DYM: variants seen among roughly 807,000 people sequenced by gnomAD.
The protein encoded by DYM is dymeclin.
A neutral mutation model predicts 93.1 loss-of-function variants in DYM; 78 were observed. That is an observed-to-expected ratio of 0.84 (90% CI 0.70 to 1.01). The LOEUF (loss-of-function observed/expected upper bound fraction) is 1.01. Among genes scored for constraint, DYM ranks in the 50% least tolerant of loss-of-function variants. The pLI is 0.00. For missense variants in DYM, 789 were observed against 845.0 expected (o/e 0.93, Z 0.82); for synonymous variants, 321 against 319.7 (o/e 1.00, Z -0.04).
intron 1 of DYM, among the ~76,000 whole-genome samples, chr18:49,455,091 G>A (rs1016316321): frequency 1.3e-5 from 2 of 152,008 alleles, no homozygotes; most frequent in Admixed American, 6.6e-5. Flanking sequence ...GAGGCTTGAC[G>A]CTTTACAGAG....
intron 15 of DYM, among the ~76,000 whole-genome samples, chr18:49,121,938 T>C (rs1024619334): frequency 2.4e-4 from 36 of 152,346 alleles, no homozygotes; most frequent in Admixed American, 2.3e-3. Context: ...AGAAGAAATA[T>C]GAAGCCAGAC....
chr18:49,104,013 T>C (rs2080490913), intron 16 of DYM, among the ~76,000 whole-genome samples: 1 of 152,170 alleles, frequency 6.6e-6, no homozygotes, highest in Admixed American at 6.5e-5. Context: ...AGTATGGCCA[T>C]TATCACGATA....
chr18:49,058,003 A>G (rs2075645810), intron 17 of DYM, among the ~76,000 whole-genome samples: 1 of 152,244 alleles, frequency 6.6e-6, no homozygotes, highest in African/African-American at 2.4e-5. Context: ...AGTGAGGGCC[A>G]GGCACAACTG....
At chr18:49,263,551 A>C (rs2094522739) in intron 11 of DYM, among the ~76,000 whole-genome samples, 1 of 151,754 alleles carries the variant, frequency 6.6e-6, no homozygotes, top group Non-Finnish European at 1.5e-5. Flanking sequence ...CAAGATGGTG[A>C]AACCCTGTCT....
At chr18:49,449,694 T>C (rs958067815) in intron 1 of DYM, among the ~76,000 whole-genome samples, 1 of 152,224 alleles carries the variant, frequency 6.6e-6, no homozygotes, top group South Asian at 2.1e-4. Context: ...ATAAGGATGA[T>C]TGTTTATTCT....
At chr18:49,197,267 T>G (rs145980063) in intron 14 of DYM, among the ~76,000 whole-genome samples, 2,721 of 150,600 alleles carry the variant, frequency 0.018, 30 homozygotes, top group Middle Eastern at 0.028. Context: ...TGAAAATGGC[T>G]AAGGTAAGAG....
At chr18:49,235,758 C>A (rs2093840811) in intron 13 of DYM, among the ~76,000 whole-genome samples, 2 of 123,880 alleles carry the variant, frequency 1.6e-5, no homozygotes, top group Non-Finnish European at 1.7e-5. Context: ...CAGTAAGTAC[C>A]ATATATCACT....
chr18:49,437,183 C>T (rs1430494094), intron 1 of DYM, among the ~76,000 whole-genome samples: 1 of 152,180 alleles, frequency 6.6e-6, no homozygotes. Context: ...CTTCTCAACT[C>T]AGAGAAAACA....
At position 49,148,600 on chromosome 18, in the gene DYM, G is replaced by T. The variant is rs576647215; in HGVS notation, c.1728+15085C>A. 1.5e-4 allele frequency among the ~76,000 whole-genome samples: 23 copies of T among 152,120 alleles called. No individual in the cohort carries two copies. The South Asian group carries it at 4.6e-3, about 30-fold the overall frequency. ...TACAAGAAAATCAAGGGTCAAAATG[G>T]CAAAATAAGTTGCCCAAGCTCATAG... On this transcript the variant is annotated intron_variant, in intron 15 of 17. Coordinates refer to ENST00000675505, the MANE Select transcript of DYM (RefSeq NM_001353214.3).
rs1310296549 is a variant in DYM, at chr18:49,074,971, A to G, written c.2025+22431T>C. Among the ~76,000 whole-genome samples the G allele has an allele frequency of 2.0e-5, 3 of 152,342 alleles. No individual in the cohort carries two copies. In the East Asian group the frequency reaches 5.8e-4, roughly 29 times the overall value. ...GACTACTATGGAAAAGGCTGGATGC[A>G]ATGGACTCACAGAGTCCTGAGGAAG... On this transcript the variant is annotated intron_variant, in intron 17 of 17. Coordinates refer to ENST00000675505, the MANE Select transcript of DYM (RefSeq NM_001353214.3).
chr18:49,221,815 G>A (rs902938976), intron 13 of DYM, among the ~76,000 whole-genome samples: 2 of 152,120 alleles, frequency 1.3e-5, no homozygotes, highest in Admixed American at 6.5e-5. Flanking sequence ...TAAATGACGA[G>A]TTAATGGGTG....
At chr18:49,101,350 C>T (rs752829445) in intron 16 of DYM, among the ~76,000 whole-genome samples, 3 of 152,178 alleles carry the variant, frequency 2.0e-5, no homozygotes, top group Non-Finnish European at 4.4e-5. Context: ...GGCTGTAACT[C>T]ATGAAATCCA....
At chr18:49,247,775 A>G (rs932844703) in intron 13 of DYM, among the ~76,000 whole-genome samples, 3 of 152,196 alleles carry the variant, frequency 2.0e-5, no homozygotes, top group Non-Finnish European at 2.9e-5. Flanking sequence ...AATACTAGCA[A>G]TTTTTTGAAT....
chr18:49,146,793 G>C (rs1325329413), intron 15 of DYM, among the ~76,000 whole-genome samples: 2 of 152,156 alleles, frequency 1.3e-5, no homozygotes, highest in African/African-American at 4.8e-5. Context: ...TAGATTCAAT[G>C]CCATCCCCAT....
intron 17 of DYM, among the ~76,000 whole-genome samples, chr18:49,060,096 A>G (rs2075827452): frequency 1.3e-5 from 2 of 152,208 alleles, no homozygotes; most frequent in Non-Finnish European, 2.9e-5. Flanking sequence ...CAAATGAAAA[A>G]AAATCACTAA....
In DYM at chr18:49,243,689, GA is replaced by G. The variant is rs567960298; in HGVS notation, c.1460+13320del. Among the ~76,000 whole-genome samples, 408 of 141,214 alleles carry G rather than the reference GA, an allele frequency of 2.9e-3. 9 individuals are homozygous for G. Among genetic ancestry groups the G allele is most frequent in the Admixed American group, 0.023 (322 of 14,148 alleles). The allele number at this position is 141,214 out of a possible 152,430, so 92.6% of individuals were successfully genotyped here. The stretch of plus-strand genomic sequence containing the variant: ...CTCAAAAAAAAAAAAAAAGAAAAAA[GA>G]AAAAAAAAATCATTGCTAGAACCAG... On this transcript the variant is annotated intron_variant, in intron 13 of 17. Coordinates refer to ENST00000675505, the MANE Select transcript of DYM (RefSeq NM_001353214.3).
At position 49,430,571 on chromosome 18, in the gene DYM, C is replaced by T. The variant is rs191305838; in HGVS notation, c.-53-124G>A. 32 of 771,348 alleles carry T rather than the reference C, an allele frequency of 4.1e-5. No individual in the cohort carries two copies. In the African/African-American group the frequency reaches 5.3e-4, roughly 13 times the overall value. The allele number at this position is 771,348 out of a possible 1,614,324, so 47.8% of individuals were successfully genotyped here. A position where few individuals can be genotyped will look rare whatever the true frequency, so the allele number is the denominator to read the frequency against. On this transcript the variant is annotated intron_variant, in intron 1 of 17. Coordinates refer to ENST00000675505, the MANE Select transcript of DYM (RefSeq NM_001353214.3). ...TTTCTGTATTTATAAATATATTAGA[C>T]ATCAGATACAAAGTTACAAGAAATA... is the stretch of plus-strand genomic sequence containing the variant.
intron 8 of DYM, among the ~76,000 whole-genome samples, chr18:49,329,177 T>C (rs577620369): frequency 0.018 from 2,723 of 150,974 alleles, 31 homozygotes; most frequent in Middle Eastern, 0.027. Context: ...AGCAAACTAT[T>C]GCAAGGACAG....
intron 13 of DYM, among the ~76,000 whole-genome samples, chr18:49,219,122 A>T (rs1187958917): frequency 1.3e-5 from 2 of 152,228 alleles, no homozygotes; most frequent in East Asian, 1.9e-4. Flanking sequence ...AGAATACTAC[A>T]AACACCTCTA....
Sources: allele counts gnomAD v4.1 joint callset (sites outside exome capture counted in the v4.1 genomes callset), GRCh38; gene constraint gnomAD v4.1.1; transcripts MANE v1.5; gene names NCBI Gene and HGNC (gene_info 2026-07-23, HGNC 2026-07-21).